Variants in NEDD4L observed in about 807,000 individuals in gnomAD.
The protein encoded by NEDD4L is NEDD4 like E3 ubiquitin protein ligase, also known as E3 ubiquitin-protein ligase NEDD4-like.
A neutral mutation model predicts 148.9 loss-of-function variants in NEDD4L; 54 were observed. The ratio of observed to expected loss-of-function variants is 0.36; its 90% confidence interval spans 0.29 to 0.45. The LOEUF (loss-of-function observed/expected upper bound fraction) is 0.45, where lower values mean the gene tolerates loss of function less well. NEDD4L is among the 20% of genes least tolerant of loss of function. NEDD4L has a pLI of 1.00. For synonymous variants in NEDD4L, 433 were observed against 440.7 expected (o/e 0.98, Z 0.22); for missense variants, 856 against 1,233.8 (o/e 0.69, Z 4.59).
At chr18:58,364,144 G>T (rs2045843036) in intron 19 of NEDD4L, 124 bp from the exon 20 acceptor site, 6 of 676,222 alleles carry the variant, frequency 8.9e-6, no homozygotes, top group Non-Finnish European at 1.6e-5. Context: ...TTTTTCCATG[G>T]ATAATCTGAG....
chr18:58,256,882 T>TCA lies in NEDD4L; in HGVS notation c.297+4829_297+4830dup. The stretch of plus-strand genomic sequence containing the variant: ...CCTCTGTTCCGGGAGTTTCCCTGCT[T>TCA]CAGGCCAGTGGATCTGAATGTTTGG... On this transcript the variant is annotated intron_variant, in intron 5 of 30. Coordinates refer to ENST00000400345, the MANE Select transcript of NEDD4L (RefSeq NM_001144967.3). This position sits in a 1 kb window ranked among gnomAD's most constrained non-coding sequence, Gnocchi z 5.2. 9.9e-7 allele frequency: 1 copy of TCA among 1,008,358 alleles called. No homozygotes were observed. The highest frequency in any genetic ancestry group is 1.3e-6 in the Non-Finnish European group (1 of 784,506). The allele number at this position is 1,008,358 out of a possible 1,614,324, so 62.5% of individuals were successfully genotyped here. A position where few individuals can be genotyped will look rare whatever the true frequency, so the allele number is the denominator to read the frequency against.
intron 1 of NEDD4L, among the ~76,000 whole-genome samples, chr18:58,093,102 C>A (rs953892395): frequency 6.6e-5 from 10 of 152,166 alleles, no homozygotes; most frequent in African/African-American, 2.4e-4. Flanking sequence ...TGGACAGATT[C>A]TTTTTTAAGG....
chr18:58,328,111 C>G (rs749253862), intron 9 of NEDD4L, among the ~76,000 whole-genome samples: 1 of 152,014 alleles, frequency 6.6e-6, no homozygotes, highest in African/African-American at 2.4e-5. Context: ...ACTACAGGCA[C>G]GCATCACCAC....
At chr18:58,164,631 T>G (rs1304289591) in intron 1 of NEDD4L, among the ~76,000 whole-genome samples, 3 of 152,174 alleles carry the variant, frequency 2.0e-5, no homozygotes, top group African/African-American at 7.2e-5. Context: ...CCACCATGTC[T>G]GGCTAAATTT....
intron 10 of NEDD4L, among the ~76,000 whole-genome samples, chr18:58,329,608 T>C (rs1011106819): frequency 4.6e-5 from 7 of 151,912 alleles, no homozygotes; most frequent in Non-Finnish European, 7.4e-5. Flanking sequence ...GCCTGCTGCC[T>C]CAGCCTCCTA....
At chr18:58,306,665 A>C (rs1453397013) in intron 5 of NEDD4L, among the ~76,000 whole-genome samples, 1 of 150,922 alleles carries the variant, frequency 6.6e-6, no homozygotes, top group African/African-American at 2.4e-5. Context: ...TGCTCTTGTC[A>C]CCCAGGCTGG....
chr18:58,347,647 T>C (rs191481001), intron 16 of NEDD4L, among the ~76,000 whole-genome samples: 11 of 152,318 alleles, frequency 7.2e-5, no homozygotes, highest in Admixed American at 2.0e-4. Context: ...GCTTAGCCTT[T>C]TAAAAAAATA....
chr18:58,390,828 C>A (rs2049720142), intron 29 of NEDD4L, 86 bp downstream of exon 29: 2 of 930,022 alleles, frequency 2.2e-6, no homozygotes, highest in Non-Finnish European at 3.4e-6. Flanking sequence ...TGCCGCCAGG[C>A]CTCTGCAGAA....
At chr18:58,081,406 G>A (rs1028491311) in intron 1 of NEDD4L, among the ~76,000 whole-genome samples, 4 of 151,680 alleles carry the variant, frequency 2.6e-5, no homozygotes, top group African/African-American at 7.3e-5. Context: ...TAGTAGAGAC[G>A]GGGTTTCACC....
chr18:58,235,452 G>T (rs186765598), intron 2 of NEDD4L, among the ~76,000 whole-genome samples: 4 of 152,344 alleles, frequency 2.6e-5, no homozygotes, highest in Non-Finnish European at 5.9e-5. Context: ...GGTGACAGTG[G>T]AAGTGAAGTG....
chr18:58,069,346 A>C (rs911732857), intron 1 of NEDD4L, among the ~76,000 whole-genome samples: 2 of 152,258 alleles, frequency 1.3e-5, no homozygotes, highest in East Asian at 3.9e-4. Flanking sequence ...GTTAGAACTG[A>C]AATTGAGGTT....
rs1311761626 is a variant in NEDD4L, at chr18:58,399,732, C to T, written c.*3463C>T. ...AACTCCTGACCTCAGGTGATCCTCC[C>T]GCCTCAGCCTTCCAAAGTGCTGGGA... On this transcript the variant is annotated 3_prime_UTR_variant, in exon 31 of 31. Transcript: ENST00000400345. 1 of 152,204 alleles carries T rather than the reference C, an allele frequency of 6.6e-6. No individual in the cohort carries two copies. The highest frequency in any genetic ancestry group is 2.4e-5 in the African/African-American group (1 of 41,446). 9.4% of individuals were successfully genotyped at this position (152,204 alleles called of 1,614,324 possible).
At chr18:58,330,353 AGT>A (rs1340370022) in intron 10 of NEDD4L, among the ~76,000 whole-genome samples, 1 of 152,146 alleles carries the variant, frequency 6.6e-6, no homozygotes, top group Non-Finnish European at 1.5e-5. Context: ...ACTCCAGAGA[AGT>A]GTGTGTGTGT....
intron 1 of NEDD4L, among the ~76,000 whole-genome samples, chr18:58,083,251 G>A (rs1051807954): frequency 6.6e-6 from 1 of 152,188 alleles, no homozygotes; most frequent in African/African-American, 2.4e-5. Context: ...AACTAATTGT[G>A]TAATGATTTG....
chr18:58,114,762 C>T (rs184598010), intron 1 of NEDD4L, among the ~76,000 whole-genome samples: 1 of 152,192 alleles, frequency 6.6e-6, no homozygotes, highest in Non-Finnish European at 1.5e-5. Flanking sequence ...GGAGAGGATC[C>T]CCTTGCCTTT....
At chr18:58,084,958 A>G (rs1235729643) in intron 1 of NEDD4L, among the ~76,000 whole-genome samples, 1 of 151,578 alleles carries the variant, frequency 6.6e-6, no homozygotes, top group Non-Finnish European at 1.5e-5. Flanking sequence ...GCCCCCCAAC[A>G]TGCTAGGATT....
chr18:58,156,770 C>T (rs2035554781), intron 1 of NEDD4L, among the ~76,000 whole-genome samples: 1 of 152,118 alleles, frequency 6.6e-6, no homozygotes, highest in Non-Finnish European at 1.5e-5. Context: ...CATGCTCGCT[C>T]CTTGGGTGAG....
At chr18:58,101,469 A>G (rs940728467) in intron 1 of NEDD4L, among the ~76,000 whole-genome samples, 3 of 152,002 alleles carry the variant, frequency 2.0e-5, no homozygotes, top group Admixed American at 1.3e-4. Context: ...GTGCCTGGTC[A>G]TGGAAAGAGC....
At chr18:58,350,027 A>G (rs571465562) in intron 17 of NEDD4L, among the ~76,000 whole-genome samples, 5 of 152,216 alleles carry the variant, frequency 3.3e-5, no homozygotes, top group Non-Finnish European at 5.9e-5. Flanking sequence ...GAAAGTTTCT[A>G]TAAGTCATTT....
Sources: allele counts gnomAD v4.1 joint callset (sites outside exome capture counted in the v4.1 genomes callset), GRCh38; gene constraint gnomAD v4.1.1; non-coding constraint Gnocchi (gnomAD v3.1); transcripts MANE v1.5; gene names NCBI Gene and HGNC (gene_info 2026-07-23, HGNC 2026-07-21).